Variants in PGCKA1 observed in about 807,000 individuals in gnomAD.
PGCKA1 encodes PDCD10 and GCKIII kinases associated 1, also known as PDCD10 and GCKIII kinases-associated protein 1.
chr4:37,554,460 T>C, the PGCKA1 span, among the ~76,000 whole-genome samples: 4 of 152,084 alleles, frequency 2.6e-5, no homozygotes, highest in African/African-American at 9.7e-5. Flanking sequence ...GCAATTCTGC[T>C]CCTCAGCCTC....
At chr4:37,466,279 TAATGA>T in the PGCKA1 span, among the ~76,000 whole-genome samples, 1 of 152,216 alleles carries the variant, frequency 6.6e-6, no homozygotes, top group Admixed American at 6.5e-5. Flanking sequence ...TCTGAAATAT[TAATGA>T]AATATAATAT....
At chr4:37,494,919 GTCT>G in the PGCKA1 span, among the ~76,000 whole-genome samples, 3 of 151,752 alleles carry the variant, frequency 2.0e-5, no homozygotes, top group Non-Finnish European at 4.4e-5. Context: ...GTGAACATAT[GTCT>G]TCTTTGAAAA....
the PGCKA1 span, among the ~76,000 whole-genome samples, chr4:37,497,943 G>A: frequency 6.6e-6 from 1 of 152,012 alleles, no homozygotes; most frequent in South Asian, 2.1e-4. Flanking sequence ...TTTTGGTCAC[G>A]AAATCCTTGC....
the PGCKA1 span, among the ~76,000 whole-genome samples, chr4:37,567,070 AT>A: frequency 1.1e-4 from 16 of 149,872 alleles, no homozygotes; most frequent in Non-Finnish European, 2.1e-4. Flanking sequence ...ACAAAAAAAA[AT>A]AAAATAAAAT....
At chr4:37,558,219 CCTT>C in the PGCKA1 span, 100 of 152,324 alleles carry the variant, frequency 6.6e-4, no homozygotes, top group Middle Eastern at 3.4e-3. Context: ...CCCAAAGTCT[CCTT>C]CTTTCTGACT....
At chr4:37,473,438 G>C in the PGCKA1 span, among the ~76,000 whole-genome samples, 1 of 152,102 alleles carries the variant, frequency 6.6e-6, no homozygotes, top group Non-Finnish European at 1.5e-5. Flanking sequence ...TAATTTTGCT[G>C]TATTTAATGC....
At chr4:37,567,314 G>T in the PGCKA1 span, among the ~76,000 whole-genome samples, 1 of 152,112 alleles carries the variant, frequency 6.6e-6, no homozygotes, top group Non-Finnish European at 1.5e-5. Context: ...ACAGTCCTTG[G>T]CACATAGAAA....
chr4:37,516,358 G>T, the PGCKA1 span, among the ~76,000 whole-genome samples: 1 of 152,208 alleles, frequency 6.6e-6, no homozygotes, highest in South Asian at 2.1e-4. Context: ...CGAAATCGAT[G>T]TTTTCCGAAG....
chr4:37,546,984 G>A, the PGCKA1 span, among the ~76,000 whole-genome samples: 2 of 152,340 alleles, frequency 1.3e-5, no homozygotes, highest in Middle Eastern at 6.8e-3. Context: ...GATCACCCAC[G>A]GCATGCCTTA....
chr4:37,462,221 T>C, the PGCKA1 span, among the ~76,000 whole-genome samples: 1 of 152,220 alleles, frequency 6.6e-6, no homozygotes, highest in African/African-American at 2.4e-5. Flanking sequence ...CTTTATGTAG[T>C]TCTGTTTATT....
chr4:37,531,567 ATATAT>A, the PGCKA1 span, among the ~76,000 whole-genome samples: 2 of 151,766 alleles, frequency 1.3e-5, no homozygotes, highest in East Asian at 1.9e-4. Flanking sequence ...AAAAATTAAA[ATATAT>A]TAAAGTATAA....
chr4:37,563,303 C>T, the PGCKA1 span, among the ~76,000 whole-genome samples: 25 of 152,156 alleles, frequency 1.6e-4, no homozygotes, highest in Non-Finnish European at 3.5e-4. Flanking sequence ...ATCAAGAAGT[C>T]GGCAAATTCG....
the PGCKA1 span, among the ~76,000 whole-genome samples, chr4:37,527,802 C>T: frequency 0.015 from 2,275 of 151,432 alleles, 62 homozygotes; most frequent in African/African-American, 0.052. Flanking sequence ...TGCGCTCCAG[C>T]CTGGCGACAG....
the PGCKA1 span, among the ~76,000 whole-genome samples, chr4:37,499,236 T>C: frequency 6.6e-6 from 1 of 152,228 alleles, no homozygotes; most frequent in African/African-American, 2.4e-5. Flanking sequence ...CAGTATTTTG[T>C]TGAGGATTTT....
the PGCKA1 span, among the ~76,000 whole-genome samples, chr4:37,589,075 A>AT: frequency 1.3e-5 from 2 of 152,168 alleles, no homozygotes; most frequent in Admixed American, 6.5e-5. Flanking sequence ...TGTGCCCTAG[A>AT]TTTTTTTAAC....
chr4:37,473,355 G>C, the PGCKA1 span, among the ~76,000 whole-genome samples: 7 of 152,076 alleles, frequency 4.6e-5, no homozygotes, highest in African/African-American at 1.7e-4. Flanking sequence ...GATTAGCCTT[G>C]TGATTTCTAA....
chr4:37,489,456 G>C, the PGCKA1 span, among the ~76,000 whole-genome samples: 1 of 152,026 alleles, frequency 6.6e-6, no homozygotes, highest in African/African-American at 2.4e-5. Flanking sequence ...CACATTCCTA[G>C]GATGATAGTC....
chr4:37,530,771 G>A, the PGCKA1 span, among the ~76,000 whole-genome samples: 1 of 151,988 alleles, frequency 6.6e-6, no homozygotes, highest in African/African-American at 2.4e-5. Flanking sequence ...GAGGTCAGGA[G>A]TTCAAAACCA....
chr4:37,516,936 T>C, the PGCKA1 span, among the ~76,000 whole-genome samples: 8 of 152,120 alleles, frequency 5.3e-5, no homozygotes, highest in Non-Finnish European at 1.0e-4. Flanking sequence ...ATGCAAGGTT[T>C]CTAAAAATTA....
Sources: allele counts gnomAD v4.1 joint callset (sites outside exome capture counted in the v4.1 genomes callset), GRCh38; gene constraint gnomAD v4.1.1; transcripts MANE v1.5; gene names NCBI Gene and HGNC (gene_info 2026-07-23, HGNC 2026-07-21).